ANO2: variants seen among roughly 807,000 people sequenced by gnomAD.
ANO2 encodes anoctamin-2.
Under a neutral mutation model 124.2 loss-of-function variants are expected in ANO2, and 101 were observed. That is an observed-to-expected ratio of 0.81 (90% CI 0.69 to 0.96). The LOEUF is 0.96. Ranked by LOEUF, ANO2 falls within the 40% of genes least tolerant of loss-of-function variation. The pLI is 0.00. For missense variants in ANO2, 1,293 were observed against 1,274.5 expected (o/e 1.01, Z -0.22); for synonymous variants, 486 against 482.5 (o/e 1.01, Z -0.09).
At chr12:5,617,885 T>C (rs1400392108) in intron 16 of ANO2, among the ~76,000 whole-genome samples, 1 of 152,202 alleles carries the variant, frequency 6.6e-6, no homozygotes, top group Non-Finnish European at 1.5e-5. Context: ...ACCCACGCCC[T>C]TTGAAAATTG....
intron 1 of ANO2, among the ~76,000 whole-genome samples, chr12:5,928,447 C>G (rs1292930048): frequency 1.5e-5 from 1 of 65,986 alleles, no homozygotes; most frequent in Non-Finnish European, 3.8e-5. Context: ...ACTTTCCTTC[C>G]TCCGTAGTCT....
chr12:5,691,409 G>A (rs990839315), intron 14 of ANO2, among the ~76,000 whole-genome samples: 2 of 151,936 alleles, frequency 1.3e-5, no homozygotes, highest in African/African-American at 4.8e-5. Context: ...TGCAGGTCCT[G>A]GTAGGTGGAA....
chr12:5,827,568 C>T (rs1012772382), intron 7 of ANO2, among the ~76,000 whole-genome samples: 2 of 152,198 alleles, frequency 1.3e-5, no homozygotes, highest in South Asian at 4.1e-4. Context: ...TTACAACAGC[C>T]TGGGGGCAGC....
intron 19 of ANO2, among the ~76,000 whole-genome samples, chr12:5,611,306 C>T (rs80353757): frequency 0.18 from 28,064 of 152,042 alleles, 2,786 homozygotes; most frequent in Non-Finnish European, 0.22. Flanking sequence ...TTTGACTGCT[C>T]CCAAACTCCT....
At chr12:5,694,017 A>T (rs1380401814) in intron 14 of ANO2, among the ~76,000 whole-genome samples, 1 of 152,030 alleles carries the variant, frequency 6.6e-6, no homozygotes, top group Admixed American at 6.6e-5. Flanking sequence ...TTCTTACTAG[A>T]CTGCAAACCC....
chr12:5,780,776 G>A (rs1952367716), intron 10 of ANO2, among the ~76,000 whole-genome samples: 1 of 152,128 alleles, frequency 6.6e-6, no homozygotes, highest in Non-Finnish European at 1.5e-5. Context: ...AAAGTTACAA[G>A]GAAGGGCAGG....
chr12:5,921,879 G>T (rs1401239300), intron 2 of ANO2, among the ~76,000 whole-genome samples: 1 of 151,922 alleles, frequency 6.6e-6, no homozygotes, highest in Non-Finnish European at 1.5e-5. Flanking sequence ...GCCCACACAC[G>T]CTCACCTCCT....
chr12:5,914,285 C>T (rs764739535), intron 3 of ANO2, among the ~76,000 whole-genome samples: 3 of 152,216 alleles, frequency 2.0e-5, no homozygotes, highest in African/African-American at 7.2e-5. Flanking sequence ...TGGGAGGGCA[C>T]GATGTCACAC....
At chr12:5,647,363 C>A (rs539794419) in intron 15 of ANO2, among the ~76,000 whole-genome samples, 1 of 152,328 alleles carries the variant, frequency 6.6e-6, no homozygotes, top group South Asian at 2.1e-4. Context: ...ACTTACCGAG[C>A]CCAAGCTGGC....
intron 4 of ANO2, among the ~76,000 whole-genome samples, chr12:5,847,924 T>C (rs1185957178): frequency 1.3e-5 from 2 of 152,208 alleles, no homozygotes; most frequent in African/African-American, 2.4e-5. Context: ...ACATAAACAT[T>C]TCAAAACATG....
chr12:5,790,463 C>T (rs1952665272), intron 10 of ANO2, among the ~76,000 whole-genome samples: 1 of 152,184 alleles, frequency 6.6e-6, no homozygotes, highest in South Asian at 2.1e-4. Context: ...CAAGTCTCTT[C>T]TCTCAACATT....
At position 5,698,206 on chromosome 12, in the gene ANO2, C is replaced by T. The variant is rs914302181; in HGVS notation, c.1545+34314G>A. Among the ~76,000 whole-genome samples the T allele has an allele frequency of 5.9e-5, 9 of 152,186 alleles. No individual in the cohort carries two copies. In the East Asian group the frequency reaches 7.7e-4, roughly 13 times the overall value. On this transcript the variant is annotated intron_variant, in intron 14 of 24. Coordinates refer to ENST00000682330, the MANE Select transcript of ANO2 (RefSeq NM_001364791.2). The stretch of plus-strand genomic sequence containing the variant: ...CTGGGAGGCACCTCCCAGTAGGGGC[C>T]GACTGACACCTCACATGGCTGGGTC...
intron 13 of ANO2, among the ~76,000 whole-genome samples, chr12:5,734,597 C>A (rs1188066564): frequency 2.0e-5 from 3 of 152,078 alleles, no homozygotes; most frequent in Admixed American, 6.5e-5. Context: ...GGCTGTGGCT[C>A]ACCTCCCCCC....
At chr12:5,807,920 C>G (rs1355349462) in intron 7 of ANO2, among the ~76,000 whole-genome samples, 13 of 152,262 alleles carry the variant, frequency 8.5e-5, no homozygotes. Flanking sequence ...TTTCGGGGGT[C>G]CCTGGAGGAA....
chr12:5,919,245 A>G lies in ANO2; in HGVS notation c.534+1795T>C, dbSNP rs377074363. On this transcript the variant is annotated intron_variant, in intron 3 of 24. Coordinates refer to ENST00000682330, the MANE Select transcript of ANO2 (RefSeq NM_001364791.2). Reference sequence around the variant, plus strand: ...GGAAGGAGGTGACATTTGAGCAGAGAGCTGAAGAGAGGGAATGTGATGCAC... The same window carrying G: ...GGAAGGAGGTGACATTTGAGCAGAGGGCTGAAGAGAGGGAATGTGATGCAC... 1.2e-4 allele frequency among the ~76,000 whole-genome samples: 19 copies of G among 152,328 alleles called. 1 individual carries two copies. The highest frequency in any genetic ancestry group is 4.3e-4 in the African/African-American group (18 of 41,570).
At chr12:5,871,757 C>T (rs11063894) in intron 3 of ANO2, among the ~76,000 whole-genome samples, 2,353 of 152,270 alleles carry the variant, frequency 0.015, 51 homozygotes, top group African/African-American at 0.054. Flanking sequence ...CTACTCTAAA[C>T]GGTTTGATGG....
rs544667060 is a variant in ANO2 at position 5,660,261 on chromosome 12, G to C, written c.1546-12460C>G. On this transcript the variant is annotated intron_variant, in intron 14 of 24. Coordinates refer to ENST00000682330, the MANE Select transcript of ANO2 (RefSeq NM_001364791.2). ...TACAGCCTTTTCTATACCATCATAC[G>C]AACATCTTAAGCCAAATGACTATGA... 2.6e-5 allele frequency among the ~76,000 whole-genome samples: 4 copies of C among 151,736 alleles called. No individual in the cohort carries two copies. In the East Asian group the frequency reaches 7.7e-4, roughly 29 times the overall value.
At chr12:5,633,724 C>T (rs370723303) in intron 16 of ANO2, among the ~76,000 whole-genome samples, 2 of 152,310 alleles carry the variant, frequency 1.3e-5, no homozygotes, top group East Asian at 1.9e-4. Flanking sequence ...TTCTTTCTCC[C>T]GTACGCTGAG....
chr12:5,615,471 C>T (rs1029124357), intron 16 of ANO2, among the ~76,000 whole-genome samples, 174 bp from the exon 17 acceptor site: 12 of 152,128 alleles, frequency 7.9e-5, no homozygotes, highest in African/African-American at 2.9e-4. Context: ...AGGTGGTCTG[C>T]CAGGTAATAC....
Sources: gnomAD v4.1 joint callset for allele counts (sites outside exome capture counted in the v4.1 genomes callset) on GRCh38, gnomAD v4.1.1 for gene constraint, MANE v1.5 for transcripts, NCBI Gene and HGNC (gene_info 2026-07-23, HGNC 2026-07-21) for gene names.